Variants in CFAP107 observed in about 807,000 individuals in gnomAD.
CFAP107 encodes cilia and flagella associated protein 107.
chr1:12,760,701 G>T, the CFAP107 span: 1 of 1,494,518 alleles, frequency 6.7e-7, no homozygotes. Context: ...CAGTCTCGTG[G>T]CCATTGGCCA....
At chr1:12,746,374 C>T in the CFAP107 span, 2 of 1,431,130 alleles carry the variant, frequency 1.4e-6, no homozygotes, top group Non-Finnish European at 2.0e-6. Flanking sequence ...ACCTTCCTCT[C>T]CCCGCCTGAA....
At chr1:12,755,898 T>G in the CFAP107 span, 8 of 914,450 alleles carry the variant, frequency 8.7e-6, no homozygotes, top group Non-Finnish European at 1.4e-5. Flanking sequence ...ATAGGCTTAG[T>G]ACCGTCTTGG....
the CFAP107 span, among the ~76,000 whole-genome samples, chr1:12,752,555 TAAAAAAAAAAAA>T: frequency 1.1e-4 from 5 of 46,666 alleles, no homozygotes; most frequent in African/African-American, 4.2e-4. Flanking sequence ...CGACTCTGTC[TAAAAAAAAAAAA>T]AAAAAAAAAA....
chr1:12,761,145 C>G, the CFAP107 span: 1 of 554,120 alleles, frequency 1.8e-6, no homozygotes, highest in South Asian at 2.6e-5. Context: ...CTTTTCCATC[C>G]AACAATTAAA....
the CFAP107 span, among the ~76,000 whole-genome samples, chr1:12,747,246 T>A: frequency 9.2e-5 from 14 of 151,882 alleles, no homozygotes; most frequent in Non-Finnish European, 8.8e-5. Context: ...TTTTTGTATT[T>A]TTAGTAGAGA....
the CFAP107 span, among the ~76,000 whole-genome samples, chr1:12,750,406 G>A: frequency 6.6e-6 from 1 of 152,060 alleles, no homozygotes; most frequent in Admixed American, 6.6e-5. Flanking sequence ...AAATGTAAAT[G>A]GATTAAACTT....
At chr1:12,746,684 A>G in the CFAP107 span, 2 of 622,218 alleles carry the variant, frequency 3.2e-6, no homozygotes, top group African/African-American at 1.8e-5. Flanking sequence ...GTGCTCTACA[A>G]AGGATAGTTA....
the CFAP107 span, among the ~76,000 whole-genome samples, chr1:12,747,685 C>A: frequency 6.6e-6 from 1 of 152,188 alleles, no homozygotes; most frequent in Non-Finnish European, 1.5e-5. Flanking sequence ...TGGCCAGATA[C>A]AACCTTCAGT....
At chr1:12,759,287 G>A in the CFAP107 span, 2 of 1,610,282 alleles carry the variant, frequency 1.2e-6, no homozygotes, top group South Asian at 1.1e-5. Flanking sequence ...TCAGTAACGA[G>A]CCCACTGTGT....
chr1:12,746,282 T>G, the CFAP107 span: 2 of 547,992 alleles, frequency 3.6e-6, no homozygotes, highest in Non-Finnish European at 6.7e-6. Flanking sequence ...TTCTCTGAGG[T>G]TAGCAAGGAG....
the CFAP107 span, chr1:12,763,173 G>A: frequency 6.6e-6 from 1 of 152,040 alleles, no homozygotes; most frequent in Non-Finnish European, 1.5e-5. Flanking sequence ...GTGACAGAGT[G>A]AGACTCCATC....
At chr1:12,760,939 C>T in the CFAP107 span, 7 of 1,611,786 alleles carry the variant, frequency 4.3e-6, no homozygotes, top group South Asian at 7.7e-5. Flanking sequence ...TGCATCCTCT[C>T]CCACACTTCT....
chr1:12,749,170 A>G, the CFAP107 span, among the ~76,000 whole-genome samples: 2 of 152,256 alleles, frequency 1.3e-5, no homozygotes, highest in South Asian at 4.1e-4. Context: ...CAAATCCAAG[A>G]AGTTCAATGA....
chr1:12,750,310 A>C, the CFAP107 span, among the ~76,000 whole-genome samples: 1 of 152,360 alleles, frequency 6.6e-6, no homozygotes, highest in South Asian at 2.1e-4. Flanking sequence ...GTAAGAGAAC[A>C]AATAAGGGGC....
chr1:12,761,062 G>A, the CFAP107 span: 100 of 1,059,064 alleles, frequency 9.4e-5, no homozygotes, highest in South Asian at 1.1e-3. Flanking sequence ...GATCTGGCCC[G>A]TCAAAGGTGC....
chr1:12,751,617 A>G, the CFAP107 span, among the ~76,000 whole-genome samples: 4 of 152,248 alleles, frequency 2.6e-5, no homozygotes, highest in African/African-American at 4.8e-5. Flanking sequence ...ACAGACCGAG[A>G]CTCCATCTCT....
the CFAP107 span, chr1:12,746,397 A>G: frequency 1.4e-5 from 22 of 1,563,500 alleles, no homozygotes; most frequent in African/African-American, 2.7e-4. Flanking sequence ...CTTAAACTGC[A>G]TCAAGTCAAA....
chr1:12,748,355 A>G, the CFAP107 span, among the ~76,000 whole-genome samples: 3 of 151,778 alleles, frequency 2.0e-5, no homozygotes, highest in East Asian at 1.9e-4. Context: ...GCAAGAGATT[A>G]TGGATAGAGG....
At chr1:12,760,662 C>T in the CFAP107 span, 1 of 1,148,644 alleles carries the variant, frequency 8.7e-7, no homozygotes, top group South Asian at 1.5e-5. Context: ...ACAGAGCAGC[C>T]TGGGAAAATC....
Sources: allele counts gnomAD v4.1 joint callset (sites outside exome capture counted in the v4.1 genomes callset), GRCh38; gene constraint gnomAD v4.1.1; transcripts MANE v1.5; gene names NCBI Gene and HGNC (gene_info 2026-07-23, HGNC 2026-07-21).